Variants in SRGAP1 observed in about 807,000 individuals in gnomAD.
SRGAP1 encodes the protein SLIT-ROBO Rho GTPase-activating protein 1.
SRGAP1 carries 43 observed loss-of-function variants against 121.9 expected under a neutral mutation model. The ratio of observed to expected loss-of-function variants is 0.35; its 90% CI spans 0.28 to 0.46. The LOEUF is 0.46. Among genes scored for constraint, SRGAP1 ranks in the 20% least tolerant of loss-of-function variants. The pLI, the probability that SRGAP1 is intolerant of heterozygous loss-of-function variation, is 1.00. For synonymous variants in SRGAP1, 447 were observed against 485.4 expected, an observed-to-expected ratio of 0.92 and a Z score of 1.04; for missense variants, 1,102 against 1,350.9, an observed-to-expected ratio of 0.82 and a Z score of 2.89.
chr12:64,018,647 G>C (rs2034470399), intron 4 of SRGAP1, among the ~76,000 whole-genome samples: 2 of 152,134 alleles, frequency 1.3e-5, no homozygotes, highest in Admixed American at 6.6e-5. Flanking sequence ...CTGCATCTGT[G>C]CATATAAATT....
chr12:64,089,910 C>T (rs1049488678), intron 11 of SRGAP1, among the ~76,000 whole-genome samples: 2 of 152,136 alleles, frequency 1.3e-5, no homozygotes, highest in African/African-American at 4.8e-5. Context: ...CAGGCTTCCA[C>T]GTAACTTCTT....
intron 1 of SRGAP1, among the ~76,000 whole-genome samples, chr12:63,923,681 A>G (rs537646453): frequency 1.3e-5 from 2 of 152,242 alleles, no homozygotes; most frequent in Non-Finnish European, 2.9e-5. Context: ...TTCATTTTAT[A>G]CAAGTAGTAT....
At chr12:64,062,833 A>G in intron 6 of SRGAP1, 84 bp from the exon 7 acceptor site, 1 of 987,742 alleles carries the variant, frequency 1.0e-6, no homozygotes. Flanking sequence ...TCCTTCTGAG[A>G]GTTTTATAGC....
chr12:64,026,557 A>G (rs12317384), intron 4 of SRGAP1, among the ~76,000 whole-genome samples: 3,363 of 152,278 alleles, frequency 0.022, 133 homozygotes, highest in African/African-American at 0.075. Flanking sequence ...GGGGACCGAA[A>G]TGGACCTTTA....
intron 3 of SRGAP1, among the ~76,000 whole-genome samples, chr12:64,000,766 A>T (rs2033866848): frequency 2.6e-5 from 4 of 152,234 alleles, no homozygotes; most frequent in Admixed American, 1.3e-4. Flanking sequence ...AGCCTCTGGC[A>T]AAAGACTGTA....
intron 3 of SRGAP1, among the ~76,000 whole-genome samples, chr12:63,993,152 C>T (rs1263946863): frequency 6.6e-6 from 1 of 152,036 alleles, no homozygotes; most frequent in Non-Finnish European, 1.5e-5. Context: ...GAATCTATAT[C>T]TACCAAGTCC....
intron 21 of SRGAP1, among the ~76,000 whole-genome samples, chr12:64,137,463 C>G (rs1393022477): frequency 6.6e-6 from 1 of 151,954 alleles, no homozygotes; most frequent in Non-Finnish European, 1.5e-5. Flanking sequence ...TTTATCTTTC[C>G]ATCTTTAGCC....
intron 2 of SRGAP1, among the ~76,000 whole-genome samples, chr12:63,985,754 C>T (rs985055033): frequency 6.6e-6 from 1 of 152,170 alleles, no homozygotes; most frequent in Non-Finnish European, 1.5e-5. Context: ...CCCCACCAAC[C>T]CCATTGCATT....
At chr12:63,907,645 AT>A (rs2030280289) in intron 1 of SRGAP1, among the ~76,000 whole-genome samples, 1 of 152,072 alleles carries the variant, frequency 6.6e-6, no homozygotes, top group African/African-American at 2.4e-5. Context: ...CAGATATATG[AT>A]TTGCAAATAT....
chr12:64,049,655 G>T (rs2035200349), intron 6 of SRGAP1, among the ~76,000 whole-genome samples: 1 of 152,082 alleles, frequency 6.6e-6, no homozygotes, highest in South Asian at 2.1e-4. Flanking sequence ...AATGTTCCTG[G>T]CACTTTTGTT....
chr12:63,934,378 A>G (rs76980749), intron 1 of SRGAP1, among the ~76,000 whole-genome samples: 5,133 of 151,826 alleles, frequency 0.034, 120 homozygotes, highest in Non-Finnish European at 0.052. Context: ...GGCTTCCCCC[A>G]TCTCTCTTTC....
At chr12:64,107,523 G>T (rs1445345012) in intron 15 of SRGAP1, among the ~76,000 whole-genome samples, 1 of 152,202 alleles carries the variant, frequency 6.6e-6, no homozygotes, top group South Asian at 2.1e-4. Flanking sequence ...ATTCAAGGGA[G>T]AAAAATGAAG....
At chr12:64,082,347 G>A (rs1276886910) in intron 10 of SRGAP1, among the ~76,000 whole-genome samples, 2 of 151,894 alleles carry the variant, frequency 1.3e-5, no homozygotes. Flanking sequence ...TATTGGATGG[G>A]GCTATATTCT....
intron 1 of SRGAP1, among the ~76,000 whole-genome samples, chr12:63,912,520 G>A (rs140200376): frequency 0.014 from 2,149 of 152,150 alleles, 54 homozygotes; most frequent in African/African-American, 0.048. Context: ...AGGCTGAGGT[G>A]GGAGGATGGC....
At chr12:64,095,037 G>T in intron 13 of SRGAP1, 45 bp downstream of exon 13, 5 of 1,610,734 alleles carry the variant, frequency 3.1e-6, no homozygotes, top group Non-Finnish European at 4.2e-6. Context: ...AAAATCACTT[G>T]AAGTGTTTCA....
rs145097308 is a variant in SRGAP1 at position 64,155,695 on chromosome 12, C to T, written c.*13023C>T. 1,200 of 152,044 alleles carry T rather than the reference C, an allele frequency of 7.9e-3. 32 individuals carry two copies. Among genetic ancestry groups the T allele is most frequent in the Admixed American group, 0.051 (777 of 15,270 alleles). The allele number at this position is 152,044 out of a possible 1,614,324, so 9.4% of individuals were successfully genotyped here. ...GCAGTGGCGCGACCTCGGCTCACCA[C>T]GACCTCGGCTCACCGCAACCTCTGC... is the stretch of plus-strand genomic sequence containing the variant. On this transcript the variant is annotated 3_prime_UTR_variant, in exon 22 of 22. Coordinates refer to ENST00000355086, the MANE Select transcript of SRGAP1 (RefSeq NM_020762.4).
chr12:63,942,616 T>C (rs2031907730), intron 1 of SRGAP1, among the ~76,000 whole-genome samples: 1 of 152,218 alleles, frequency 6.6e-6, no homozygotes, highest in African/African-American at 2.4e-5. Flanking sequence ...GTGTTGTAGT[T>C]GTTCAGCAAA....
At chr12:63,956,946 T>A (rs1261757142) in intron 1 of SRGAP1, among the ~76,000 whole-genome samples, 1 of 152,188 alleles carries the variant, frequency 6.6e-6, no homozygotes, top group Non-Finnish European at 1.5e-5. Context: ...TCTTTATAGA[T>A]TTGCCTGTTT....
At chr12:63,927,311 C>T (rs963379758) in intron 1 of SRGAP1, among the ~76,000 whole-genome samples, 4 of 152,184 alleles carry the variant, frequency 2.6e-5, no homozygotes, top group Non-Finnish European at 5.9e-5. Context: ...TATGACTGTA[C>T]CCCTGGTGCC....
Sources: gnomAD v4.1 joint callset for allele counts (sites outside exome capture counted in the v4.1 genomes callset) on GRCh38, gnomAD v4.1.1 for gene constraint, MANE v1.5 for transcripts, NCBI Gene and HGNC (gene_info 2026-07-23, HGNC 2026-07-21) for gene names.